The following MAP4 variants were observed in gnomAD, a reference collection of about 807,000 sequenced individuals.
MAP4 encodes microtubule associated protein 4, also known as microtubule-associated protein 4.
Under a neutral mutation model 170.2 loss-of-function variants are expected in MAP4, and 76 were observed. The observed-to-expected ratio is 0.45, with a 90% confidence interval of 0.37 to 0.54. MAP4 has a LOEUF of 0.54. Among genes scored for constraint, MAP4 ranks in the 20% least tolerant of loss-of-function variants. The pLI, the probability that MAP4 is intolerant of heterozygous loss-of-function variation, is 0.00. For synonymous variants in MAP4, 909 were observed against 994.5 expected, an observed-to-expected ratio of 0.91 and a Z score of 1.62; for missense variants, 2,506 against 2,748.0, an observed-to-expected ratio of 0.91 and a Z score of 1.97.
chr3:47,971,251 T>C (rs201131867), intron 3 of MAP4, among the ~76,000 whole-genome samples: 1 of 152,304 alleles, frequency 6.6e-6, no homozygotes, highest in Non-Finnish European at 1.5e-5. Context: ...AGCAACATAA[T>C]GTGCAGCTTA....
chr3:47,894,952 G>GT (rs2100025991), intron 10 of MAP4, among the ~76,000 whole-genome samples: 1 of 150,518 alleles, frequency 6.6e-6, no homozygotes, highest in Non-Finnish European at 1.5e-5. Context: ...CCTGAGCCCA[G>GT]TAAGTCAAGG....
chr3:47,916,065 G>T lies in MAP4; in HGVS notation c.1762C>A (p.Pro588Thr). 6.2e-7 allele frequency: 1 copy of T among 1,614,192 alleles called. No homozygotes were observed. The highest frequency in any genetic ancestry group is 1.1e-5 in the South Asian group (1 of 91,074). The change falls in exon 7 of 21, where the codon CCA becomes ACA. Residue 588 changes from proline (P) to threonine (T), a missense_variant. This residue lies in a region of MAP4 where 2,008 missense variants were observed against 2,206.0 expected (regional missense o/e 0.91). Coordinates refer to ENST00000683076, the MANE Select transcript of MAP4 (RefSeq NM_001385682.1). ...PLSETEATPVPIKDMEIAQTQ... is the reference protein window; with the variant it reads ...PLSETEATPVTIKDMEIAQTQ... ...TGTGCAATTTCCATGTCTTTAATTG[G>T]AACTGGTGTTGCCTCTGTTTCTGAG...
At chr3:48,026,109 G>A (rs1458184730) in intron 1 of MAP4, among the ~76,000 whole-genome samples, 1 of 151,916 alleles carries the variant, frequency 6.6e-6, no homozygotes, top group Non-Finnish European at 1.5e-5. Context: ...TTCAGCTAAT[G>A]AACATAAAGG....
intron 17 of MAP4, among the ~76,000 whole-genome samples, chr3:47,864,231 G>C (rs2075218484): frequency 2.0e-5 from 3 of 152,104 alleles, no homozygotes; most frequent in African/African-American, 7.2e-5. Context: ...CACTGTACCT[G>C]GCCTTATTTT....
intron 3 of MAP4, among the ~76,000 whole-genome samples, chr3:47,957,832 G>A (rs1319249741): frequency 3.3e-5 from 5 of 152,116 alleles, no homozygotes; most frequent in Admixed American, 3.3e-4. Flanking sequence ...ACCTTACATG[G>A]TGCTGTCTCC....
At position 47,867,291 on chromosome 3, in the gene MAP4, C is replaced by A. The variant is rs780943609; in HGVS notation, c.6456G>T (p.Lys2152Asn). 1 of 1,613,924 alleles carries A rather than the reference C, an allele frequency of 6.2e-7. No homozygotes were observed. Among genetic ancestry groups the A allele is most frequent in the East Asian group, 2.2e-5 (1 of 44,888 alleles). The change falls in exon 17 of 21, where the codon AAG becomes AAT. Residue 2152 changes from lysine (K) to asparagine (N), a missense_variant. Lys to Asn is a moderately conservative substitution (Grantham distance 94). Coordinates refer to ENST00000683076, the MANE Select transcript of MAP4 (RefSeq NM_001385682.1). ...KKVSYSHIQS[K>N]CGSKDNIKHV... ...GCTTAATATTGTCCTTGGAACCACA[C>A]TTGGACTGAATATGGCTGTAGCTCA...
At chr3:48,045,255 T>A (rs1320195445) in intron 1 of MAP4, among the ~76,000 whole-genome samples, 1 of 83,394 alleles carries the variant, frequency 1.2e-5, no homozygotes, top group South Asian at 4.1e-4. Context: ...TGAGACTCAG[T>A]CTCAAAAAAA....
At chr3:47,903,063 C>G (rs997007736) in intron 9 of MAP4, 63 bp from the exon 10 acceptor site, 1 of 690,404 alleles carries the variant, frequency 1.4e-6, no homozygotes, top group East Asian at 1.3e-4. Context: ...AAAGGGAGGG[C>G]CTATTTACAG....
chr3:48,062,116 G>C (rs2100135907), intron 1 of MAP4, among the ~76,000 whole-genome samples: 1 of 152,192 alleles, frequency 6.6e-6, no homozygotes, highest in Non-Finnish European at 1.5e-5. Context: ...TGTGTGGAGA[G>C]AAGTGGGCAT....
chr3:48,051,092 C>CCACACACA (rs145028487), intron 1 of MAP4, among the ~76,000 whole-genome samples: 451 of 144,010 alleles, frequency 3.1e-3, no homozygotes, highest in African/African-American at 0.011. Context: ...CATTCAATTT[C>CCACACACA]CACACACACA....
At chr3:48,033,356 TTAAC>T (rs2100117148) in intron 1 of MAP4, among the ~76,000 whole-genome samples, 1 of 152,200 alleles carries the variant, frequency 6.6e-6, no homozygotes, top group Admixed American at 6.5e-5. Context: ...TATCTTCTAT[TTAAC>T]TATCAGTTAT....
rs772527821 is a variant in MAP4, at chr3:47,909,766, G to A, written c.4655C>T (p.Ser1552Phe). 7 of 1,613,872 alleles carry A rather than the reference G, an allele frequency of 4.3e-6. No individual in the cohort carries two copies. In the East Asian group the frequency reaches 1.6e-4, roughly 36 times the overall value. Residue 1552 changes from serine to phenylalanine, a missense_variant, in exon 9 of 21, where the codon TCT becomes TTT. Transcript: ENST00000683076. ...GIDEGHVIGESESVHSGASKH... is the reference protein window; with the variant it reads ...GIDEGHVIGEFESVHSGASKH... ...AGACGCACCACTGTGCACTGACTCA[G>A]ATTCTCCTATCACATGCCCTTCATC... is the stretch of plus-strand genomic sequence containing the variant.
chr3:48,010,850 G>C (rs2100104881), intron 1 of MAP4, among the ~76,000 whole-genome samples: 1 of 152,166 alleles, frequency 6.6e-6, no homozygotes, highest in Non-Finnish European at 1.5e-5. Flanking sequence ...TCCCGTGCTG[G>C]ATGCTTCCTG....
In MAP4 at chr3:47,980,954, T is replaced by C. The variant is rs146529240; in HGVS notation, c.224-3021A>G. ...ACCTTTTAAAATTTGATAACCAGCA[T>C]TGACAAGGGTAATTTCATTACATCA... On this transcript the variant is annotated intron_variant, in intron 2 of 20. Coordinates refer to ENST00000683076, the MANE Select transcript of MAP4 (RefSeq NM_001385682.1). Among the ~76,000 whole-genome samples, 210 of 152,324 alleles carry C rather than the reference T, an allele frequency of 1.4e-3. 4 individuals carry two copies. The East Asian group carries it at 0.025, about 18-fold the overall frequency.
At chr3:47,892,703 A>G in intron 10 of MAP4, 1 of 1,368,310 alleles carries the variant, frequency 7.3e-7, no homozygotes, top group Non-Finnish European at 9.4e-7. Flanking sequence ...ATGAAAGCGA[A>G]AGAAAGGAAG....
chr3:48,067,556 G>C (rs977270999), intron 1 of MAP4, among the ~76,000 whole-genome samples: 2 of 152,016 alleles, frequency 1.3e-5, no homozygotes, highest in East Asian at 1.9e-4. Flanking sequence ...ATATAGAGGC[G>C]GTCTGGGCAT....
In MAP4 at chr3:47,964,124, T is replaced by A. The variant is rs575262239; in HGVS notation, c.292+13741A>T. ...ACGACATCATAGGGCCTTGTGGTAT[T>A]TCATAAGGACTTTGGCTTTTACTTT... On this transcript the variant is annotated intron_variant, in intron 3 of 20. Coordinates refer to ENST00000683076, the MANE Select transcript of MAP4 (RefSeq NM_001385682.1). Among the ~76,000 whole-genome samples the A allele has an allele frequency of 5.9e-5, 9 of 152,320 alleles. No individual in the cohort carries two copies. In the South Asian group the frequency reaches 1.9e-3, roughly 32 times the overall value.
intron 6 of MAP4, 116 bp from the exon 7 acceptor site, chr3:47,917,290 C>T: frequency 4.9e-6 from 4 of 819,654 alleles, no homozygotes; most frequent in Non-Finnish European, 7.9e-6. Flanking sequence ...GTACACATAA[C>T]TAAGAATTAA....
chr3:48,028,099 C>T (rs571119700), intron 1 of MAP4, among the ~76,000 whole-genome samples: 3 of 152,068 alleles, frequency 2.0e-5, no homozygotes, highest in African/African-American at 7.2e-5. Context: ...TGAGATCAGC[C>T]TGGCCAACAT....
Sources: gnomAD v4.1 joint callset for allele counts (sites outside exome capture counted in the v4.1 genomes callset) on GRCh38, gnomAD v4.1.1 for gene constraint, gnomAD v4.1.1 regional missense constraint, MANE v1.5 for transcripts, NCBI Gene and HGNC (gene_info 2026-07-23, HGNC 2026-07-21) for gene names.